XKR9: variants seen among roughly 807,000 people sequenced by gnomAD.
The protein encoded by XKR9 is XK-related protein 9.
XKR9 carries 32 observed loss-of-function variants against 32.0 expected under a neutral mutation model. The ratio of observed to expected loss-of-function variants is 1.00; its 90% CI spans 0.76 to 1.34. XKR9 has a LOEUF of 1.34. Among genes scored for constraint, XKR9 ranks in the 40% most tolerant of loss-of-function variants. XKR9 has a pLI of 0.00. For synonymous variants in XKR9, 168 were observed against 143.4 expected (o/e 1.17, Z -1.22); for missense variants, 546 against 429.7 (o/e 1.27, Z -2.39).
At chr8:70,710,618 G>A (rs1824729) in intron 4 of XKR9, among the ~76,000 whole-genome samples, 1 of 151,844 alleles carries the variant, frequency 6.6e-6, no homozygotes, top group Admixed American at 6.6e-5. Flanking sequence ...CAGGAGAATC[G>A]CTTGAACCCA....
At chr8:70,675,887 A>C (rs566437331) in intron 2 of XKR9, among the ~76,000 whole-genome samples, 3 of 152,278 alleles carry the variant, frequency 2.0e-5, no homozygotes, top group African/African-American at 7.2e-5. Context: ...AAACTCTTCT[A>C]GCCTCTGCCT....
the XKR9 span, among the ~76,000 whole-genome samples, chr8:70,979,179 A>T: frequency 6.6e-6 from 1 of 152,144 alleles, no homozygotes; most frequent in Admixed American, 6.5e-5. Flanking sequence ...GATGGGTTCG[A>T]ACATCCTCCT....
the XKR9 span, among the ~76,000 whole-genome samples, chr8:70,920,889 G>T: frequency 9.2e-5 from 14 of 152,164 alleles, no homozygotes; most frequent in African/African-American, 3.4e-4. Flanking sequence ...AAGAATCATT[G>T]TTTCAGTAAC....
At chr8:70,897,558 T>G in the XKR9 span, among the ~76,000 whole-genome samples, 1 of 152,166 alleles carries the variant, frequency 6.6e-6, no homozygotes, top group Admixed American at 6.6e-5. Context: ...TTTGCCTGTC[T>G]TTTGGATAAA....
the XKR9 span, among the ~76,000 whole-genome samples, chr8:70,896,667 C>T: frequency 6.6e-6 from 1 of 151,034 alleles, no homozygotes; most frequent in East Asian, 2.0e-4. Flanking sequence ...TTTTATGGAT[C>T]CCTGGTTCTT....
At chr8:70,976,831 G>C in the XKR9 span, among the ~76,000 whole-genome samples, 2 of 152,186 alleles carry the variant, frequency 1.3e-5, no homozygotes, top group Admixed American at 1.3e-4. Flanking sequence ...GAATTTGGCT[G>C]TGAATCTGTC....
the XKR9 span, among the ~76,000 whole-genome samples, chr8:70,980,821 A>G: frequency 1.3e-5 from 2 of 152,194 alleles, no homozygotes. Flanking sequence ...CCGTTCTTGT[A>G]GTGCTGGCTT....
At position 70,681,262 on chromosome 8, in the gene XKR9, G is replaced by C. The variant is rs200842167; in HGVS notation, c.204G>C (p.Lys68Asn). The C allele has an allele frequency of 1.3e-4, 209 of 1,613,420 alleles. 1 individual carries two copies. The Middle Eastern group carries it at 2.1e-3, about 17-fold the overall frequency. The change falls in exon 3 of 5, where the codon AAG (lysine) becomes AAC (asparagine). Residue 68 changes from lysine to asparagine, a missense_variant. Lys to Asn is a moderately conservative substitution (Grantham distance 94). Coordinates refer to ENST00000408926, the MANE Select transcript of XKR9 (RefSeq NM_001011720.2). ...ATTCTTGGTTCAAGGCTGATTTAAA[G>C]AAAGCAGGCCAAGAAAGTCAGCATT... The part of the protein sequence containing the change: ...FSYSWFKADL[K>N]KAGQESQHCF...
the XKR9 span, among the ~76,000 whole-genome samples, chr8:70,900,231 C>A: frequency 6.6e-6 from 1 of 152,094 alleles, no homozygotes; most frequent in Non-Finnish European, 1.5e-5. Flanking sequence ...CCACTGGTTA[C>A]TTTATATAAT....
chr8:70,839,481 A>G, the XKR9 span, among the ~76,000 whole-genome samples: 24 of 152,258 alleles, frequency 1.6e-4, no homozygotes, highest in African/African-American at 5.5e-4. Context: ...ATTTTTCTCA[A>G]ACATAGCCGC....
the XKR9 span, among the ~76,000 whole-genome samples, chr8:70,871,492 A>T: frequency 1.3e-5 from 2 of 152,152 alleles, no homozygotes; most frequent in African/African-American, 4.8e-5. Flanking sequence ...TTTCATTATT[A>T]TATAGCTTCT....
intron 3 of XKR9, among the ~76,000 whole-genome samples, chr8:70,694,059 T>G (rs1189084363): frequency 6.6e-6 from 1 of 151,986 alleles, no homozygotes; most frequent in Non-Finnish European, 1.5e-5. Context: ...GGCACTTTTC[T>G]GTAGGGCTGC....
the XKR9 span, among the ~76,000 whole-genome samples, chr8:70,959,668 A>T: frequency 6.6e-6 from 1 of 152,214 alleles, no homozygotes; most frequent in African/African-American, 2.4e-5. Context: ...TTTCAAGATT[A>T]AAAAATGGCA....
intron 3 of XKR9, among the ~76,000 whole-genome samples, chr8:70,688,842 A>G (rs569706460): frequency 4.6e-5 from 7 of 152,206 alleles, no homozygotes; most frequent in Non-Finnish European, 1.0e-4. Flanking sequence ...TTATACTTCT[A>G]GGTAGATACC....
At chr8:70,745,713 C>A (rs115086633) in intron 2 of XKR9, among the ~76,000 whole-genome samples, 1,604 of 152,272 alleles carry the variant, frequency 0.011, 36 homozygotes, top group African/African-American at 0.037. Context: ...GCAATGGAAC[C>A]ACAGAGAAAT....
At chr8:70,894,851 G>T in the XKR9 span, among the ~76,000 whole-genome samples, 1 of 152,094 alleles carries the variant, frequency 6.6e-6, no homozygotes, top group East Asian at 1.9e-4. Flanking sequence ...GCTTGGGGCT[G>T]TTGGGACACC....
the XKR9 span, among the ~76,000 whole-genome samples, chr8:70,799,535 T>G: frequency 6.6e-6 from 1 of 152,082 alleles, no homozygotes; most frequent in Non-Finnish European, 1.5e-5. Context: ...TTTCACCATG[T>G]TGCCCAGGGT....
chr8:70,849,064 A>T, the XKR9 span, among the ~76,000 whole-genome samples: 1 of 152,192 alleles, frequency 6.6e-6, no homozygotes, highest in African/African-American at 2.4e-5. Context: ...AAGGATATTC[A>T]GGACCTGAAC....
chr8:70,815,530 T>TTTATTTAC, the XKR9 span, among the ~76,000 whole-genome samples: 2 of 150,902 alleles, frequency 1.3e-5, no homozygotes, highest in African/African-American at 2.4e-5. Flanking sequence ...TATTTATTTA[T>TTTATTTAC]TTATTTATTT....
Sources: gnomAD v4.1 joint callset for allele counts (sites outside exome capture counted in the v4.1 genomes callset) on GRCh38, gnomAD v4.1.1 for gene constraint, MANE v1.5 for transcripts, NCBI Gene and HGNC (gene_info 2026-07-23, HGNC 2026-07-21) for gene names.